SPATA13: variants seen among roughly 807,000 people sequenced by gnomAD.
The protein encoded by SPATA13 is spermatogenesis-associated protein 13.
SPATA13 carries 50 observed loss-of-function variants against 104.0 expected under a neutral mutation model. That is an observed-to-expected ratio of 0.48 (90% CI 0.38 to 0.61). SPATA13 has a LOEUF of 0.61. Ranked by LOEUF, SPATA13 falls within the 20% of genes least tolerant of loss-of-function variation. SPATA13 has a pLI of 0.00. For synonymous variants in SPATA13, 606 were observed against 667.5 expected (o/e 0.91, Z 1.42); for missense variants, 1,524 against 1,690.6 (o/e 0.90, Z 1.73).
chr13:24,136,790 A>G (rs1472979423), intron 3 of SPATA13, among the ~76,000 whole-genome samples: 1 of 152,210 alleles, frequency 6.6e-6, no homozygotes, highest in Non-Finnish European at 1.5e-5. Context: ...ACAAGTCTGA[A>G]TTGTGGATGC....
Position 24,144,266 on chromosome 13 carries a change from C to T in SPATA13, c.-111-78553C>T, listed in dbSNP as rs1014799264. Among the ~76,000 whole-genome samples, 3 of 152,168 alleles carry T rather than the reference C, an allele frequency of 2.0e-5. No individual in the cohort carries two copies. The East Asian group carries it at 5.8e-4, about 29-fold the overall frequency. Reference sequence around the variant, plus strand: ...CTGTGATCCACTCTCCCACATGCCTCGTGTACGTCACAAACATCACACCAA... The same window carrying T: ...CTGTGATCCACTCTCCCACATGCCTTGTGTACGTCACAAACATCACACCAA... On this transcript the variant is annotated intron_variant, in intron 3 of 14. Transcript: ENST00000424834.
chr13:24,196,920 A>G (rs1870087890), intron 1 of SPATA13, among the ~76,000 whole-genome samples: 1 of 152,202 alleles, frequency 6.6e-6, no homozygotes, highest in South Asian at 2.1e-4. Flanking sequence ...AACAGTTTGA[A>G]GAGGAGAAAG....
chr13:24,173,244 A>G (rs1286963555), intron 1 of SPATA13, among the ~76,000 whole-genome samples: 1 of 151,890 alleles, frequency 6.6e-6, no homozygotes, highest in Non-Finnish European at 1.5e-5. Context: ...GGCGTGGCTA[A>G]TTTTTTGTAT....
At chr13:24,252,760 A>AT (rs1873566929) in intron 4 of SPATA13, 1 of 152,138 alleles carries the variant, frequency 6.6e-6, no homozygotes, top group South Asian at 2.1e-4. Context: ...CAAAAAGGGA[A>AT]TTTATTGGAA....
At chr13:24,032,676 C>A (rs768654117) in intron 3 of SPATA13, among the ~76,000 whole-genome samples, 1 of 152,124 alleles carries the variant, frequency 6.6e-6, no homozygotes, top group African/African-American at 2.4e-5. Flanking sequence ...ATCCAGGGCA[C>A]GAGCAGAATA....
intron 3 of SPATA13, among the ~76,000 whole-genome samples, chr13:24,134,254 A>G (rs1313732166): frequency 1.3e-5 from 2 of 152,128 alleles, no homozygotes; most frequent in Non-Finnish European, 2.9e-5. Flanking sequence ...TGCCTAGTAG[A>G]TTTGATATGT....
At chr13:24,210,218 CT>C (rs1302469602) in intron 1 of SPATA13, among the ~76,000 whole-genome samples, 2 of 152,108 alleles carry the variant, frequency 1.3e-5, no homozygotes, top group Non-Finnish European at 2.9e-5. Flanking sequence ...ATGTTTTCTC[CT>C]ATTCCATGGG....
chr13:24,291,787 T>C (rs1330333844), intron 9 of SPATA13, among the ~76,000 whole-genome samples: 1 of 148,838 alleles, frequency 6.7e-6, no homozygotes, highest in Non-Finnish European at 1.5e-5. Context: ...TCTCGTTCTG[T>C]CGCCCAGGCC....
At chr13:24,204,811 TTA>T (rs1870613689) in intron 1 of SPATA13, among the ~76,000 whole-genome samples, 1 of 152,350 alleles carries the variant, frequency 6.6e-6, no homozygotes, top group South Asian at 2.1e-4. Flanking sequence ...TAATATTCTA[TTA>T]TATGTATATA....
At chr13:24,105,330 G>A (rs1880405217) in intron 3 of SPATA13, among the ~76,000 whole-genome samples, 1 of 151,952 alleles carries the variant, frequency 6.6e-6, no homozygotes, top group African/African-American at 2.4e-5. Context: ...GTAGAGACGG[G>A]GATCTGCCGT....
At chr13:24,167,471 A>G (rs1718078708) in intron 1 of SPATA13, among the ~76,000 whole-genome samples, 1 of 152,236 alleles carries the variant, frequency 6.6e-6, no homozygotes, top group Admixed American at 6.5e-5. Flanking sequence ...CACGGGGCCC[A>G]CAGGCCAGCC....
chr13:24,246,092 A>G (rs1873118747), intron 2 of SPATA13, among the ~76,000 whole-genome samples: 2 of 152,202 alleles, frequency 1.3e-5, no homozygotes. Context: ...GTGTAAAACC[A>G]AAACAAACCA....
At chr13:24,233,531 A>T (rs1337450537) in intron 2 of SPATA13, among the ~76,000 whole-genome samples, 1 of 152,178 alleles carries the variant, frequency 6.6e-6, no homozygotes, top group Non-Finnish European at 1.5e-5. Flanking sequence ...AAAAGGATCT[A>T]TTCCAGAAAT....
chr13:24,077,562 C>T (rs1374055381), intron 3 of SPATA13, among the ~76,000 whole-genome samples: 6 of 151,986 alleles, frequency 3.9e-5, no homozygotes, highest in Non-Finnish European at 8.8e-5. Context: ...GCCCAGTCCC[C>T]ACCAGTACAC....
chr13:24,067,382 G>A (rs1879002231), intron 3 of SPATA13, among the ~76,000 whole-genome samples: 1 of 152,136 alleles, frequency 6.6e-6, no homozygotes, highest in Non-Finnish European at 1.5e-5. Context: ...AGGTCAAATA[G>A]GGATTTAGTC....
chr13:24,119,182 CAGGCGTG>C (rs1880955818), intron 3 of SPATA13, among the ~76,000 whole-genome samples: 1 of 152,112 alleles, frequency 6.6e-6, no homozygotes, highest in Admixed American at 6.5e-5. Context: ...GCTGGGATTA[CAGGCGTG>C]AGCCACCGCG....
In SPATA13 at chr13:24,087,817, A is replaced by G. The variant is rs150331575; in HGVS notation, c.-112+70116A>G. On this transcript the variant is annotated intron_variant, in intron 3 of 14. Transcript: ENST00000424834. ...GGCCACGGGGCTCCTGCTCCTCCCC[A>G]GAGCTGCTGGACACAGCCTAGGTGG... 5.9e-3 allele frequency among the ~76,000 whole-genome samples: 892 copies of G among 152,260 alleles called. 10 individuals are homozygous for G. Among genetic ancestry groups the G allele is most frequent in the African/African-American group, 0.02 (850 of 41,538 alleles).
chr13:24,132,623 A>G (rs752925006), intron 3 of SPATA13, among the ~76,000 whole-genome samples: 1 of 152,240 alleles, frequency 6.6e-6, no homozygotes, highest in Non-Finnish European at 1.5e-5. Context: ...GGGTTAATTC[A>G]GTAAGGCCAG....
chr13:24,189,424 A>C (rs1388926657), intron 1 of SPATA13, among the ~76,000 whole-genome samples: 2 of 149,708 alleles, frequency 1.3e-5, no homozygotes, highest in Non-Finnish European at 3.0e-5. Flanking sequence ...CAGTGAGCTG[A>C]GATCACGCCA....
Sources: allele counts gnomAD v4.1 joint callset (sites outside exome capture counted in the v4.1 genomes callset), GRCh38; gene constraint gnomAD v4.1.1; transcripts MANE v1.5; gene names NCBI Gene and HGNC (gene_info 2026-07-23, HGNC 2026-07-21).